CPQ: variants seen among roughly 807,000 people sequenced by gnomAD.
The protein encoded by CPQ is Ser-Met dipeptidase.
Under a neutral mutation model 45.7 loss-of-function variants are expected in CPQ, and 37 were observed. The ratio of observed to expected loss-of-function variants is 0.81; its 90% CI spans 0.62 to 1.07. The LOEUF is 1.07. CPQ is among the 50% of genes least tolerant of loss of function. The pLI, the probability that CPQ is intolerant of heterozygous loss-of-function variation, is 0.00. For missense variants in CPQ, 537 were observed against 572.9 expected, an observed-to-expected ratio of 0.94 and a Z score of 0.64; for synonymous variants, 186 against 205.8, an observed-to-expected ratio of 0.90 and a Z score of 0.82.
chr8:96,915,256 T>C (rs886372062), intron 4 of CPQ, among the ~76,000 whole-genome samples: 1 of 152,116 alleles, frequency 6.6e-6, no homozygotes, highest in East Asian at 1.9e-4. Context: ...CTCTCCTGTG[T>C]CCAAAGCTCC....
chr8:96,978,787 C>A (rs944597822), intron 5 of CPQ, among the ~76,000 whole-genome samples: 3 of 152,070 alleles, frequency 2.0e-5, no homozygotes, highest in African/African-American at 7.2e-5. Flanking sequence ...TTCCTCCCAC[C>A]CAAGAATGGA....
At position 97,038,954 on chromosome 8, in the gene CPQ, G is replaced by A. The variant is rs368856697; in HGVS notation, c.1053+9460G>A. ...AGCCTTTTCTTATATCACGGTCACA[G>A]CTTTTAGTGAAAGAGATTTGTAGCA... On this transcript the variant is annotated intron_variant, in intron 6 of 7. Coordinates refer to ENST00000220763, the MANE Select transcript of CPQ (RefSeq NM_016134.4). Among the ~76,000 whole-genome samples the A allele has an allele frequency of 9.2e-5, 14 of 152,180 alleles. No homozygotes were observed. The South Asian group carries it at 1.5e-3, about 16-fold the overall frequency.
intron 4 of CPQ, among the ~76,000 whole-genome samples, chr8:96,948,163 C>T (rs529622969): frequency 1.3e-5 from 2 of 152,020 alleles, no homozygotes; most frequent in Non-Finnish European, 2.9e-5. Flanking sequence ...TTAATAAAGT[C>T]ACTTTCTTTC....
chr8:96,899,163 G>T (rs1812482995), intron 4 of CPQ, among the ~76,000 whole-genome samples: 1 of 152,162 alleles, frequency 6.6e-6, no homozygotes, highest in Admixed American at 6.5e-5. Context: ...GCTCCTGTTG[G>T]CAGGAGGAAC....
chr8:97,099,142 T>TTTTC (rs1356649967), intron 7 of CPQ, among the ~76,000 whole-genome samples: 1 of 139,894 alleles, frequency 7.1e-6, no homozygotes. Context: ...TTTTTTTTTT[T>TTTTC]GTGATGAAGT....
rs1179218295 is a variant in CPQ, at chr8:96,715,265, G to A, written c.-34-69599G>A. Reference sequence around the variant, plus strand: ...AGTGAAACACAGTGAGTTCTCTGCAGGGGAAATTTAGGCAGCCACATTAGC... The same window carrying A: ...AGTGAAACACAGTGAGTTCTCTGCAAGGGAAATTTAGGCAGCCACATTAGC... On this transcript the variant is annotated intron_variant, in intron 1 of 7. Coordinates refer to ENST00000220763, the MANE Select transcript of CPQ (RefSeq NM_016134.4). Among the ~76,000 whole-genome samples the A allele has an allele frequency of 1.3e-5, 2 of 152,164 alleles. 1 individual carries two copies. Among genetic ancestry groups the A allele is most frequent in the South Asian group, 4.1e-4 (2 of 4,828 alleles).
intron 5 of CPQ, among the ~76,000 whole-genome samples, chr8:96,999,593 G>A (rs1361946516): frequency 1.3e-5 from 2 of 152,022 alleles, no homozygotes; most frequent in Non-Finnish European, 2.9e-5. Flanking sequence ...TGGCTGCCTA[G>A]TATTCCATGG....
chr8:96,731,322 T>C (rs1809911126), intron 1 of CPQ, among the ~76,000 whole-genome samples: 1 of 152,162 alleles, frequency 6.6e-6, no homozygotes, highest in Non-Finnish European at 1.5e-5. Context: ...GTACTGTCAG[T>C]AGAGATTAGT....
chr8:96,793,551 T>A (rs978429292), intron 2 of CPQ, among the ~76,000 whole-genome samples: 5 of 152,182 alleles, frequency 3.3e-5, no homozygotes, highest in Admixed American at 3.3e-4. Context: ...GGTTGGGACA[T>A]AGTCAAACTA....
intron 7 of CPQ, among the ~76,000 whole-genome samples, chr8:97,132,590 T>A (rs1811975467): frequency 1.3e-5 from 2 of 152,200 alleles, no homozygotes; most frequent in Non-Finnish European, 2.9e-5. Context: ...TAGCCAGCTA[T>A]CAAAAATCTG....
intron 1 of CPQ, among the ~76,000 whole-genome samples, chr8:96,762,217 TTCTTA>T (rs1382512396): frequency 5.3e-5 from 8 of 152,204 alleles, no homozygotes; most frequent in African/African-American, 1.7e-4. Context: ...AAAGTTCATG[TTCTTA>T]TCTTTTATGT....
intron 5 of CPQ, among the ~76,000 whole-genome samples, chr8:97,006,544 A>G (rs556452557): frequency 3.0e-4 from 46 of 152,342 alleles, no homozygotes; most frequent in Admixed American, 2.0e-3. Flanking sequence ...GAAAAATTCC[A>G]GCTTTGATTT....
At chr8:97,112,052 T>C (rs1202597664) in intron 7 of CPQ, among the ~76,000 whole-genome samples, 1 of 152,160 alleles carries the variant, frequency 6.6e-6, no homozygotes, top group African/African-American at 2.4e-5. Flanking sequence ...TTATTTTCCC[T>C]TTCCAGCTTT....
At chr8:97,098,820 T>C (rs991313280) in intron 7 of CPQ, among the ~76,000 whole-genome samples, 10 of 152,070 alleles carry the variant, frequency 6.6e-5, no homozygotes, top group Non-Finnish European at 2.9e-5. Context: ...AAACAGCCAT[T>C]GATATCCCAT....
At chr8:96,907,877 A>G (rs1416111153) in intron 4 of CPQ, among the ~76,000 whole-genome samples, 1 of 152,218 alleles carries the variant, frequency 6.6e-6, no homozygotes. Flanking sequence ...AAGTGCCAAT[A>G]TGAATAGTCT....
intron 7 of CPQ, among the ~76,000 whole-genome samples, chr8:97,116,178 A>C (rs993258063): frequency 7.9e-5 from 12 of 152,252 alleles, no homozygotes; most frequent in South Asian, 2.1e-4. Context: ...AGTCAAAGAC[A>C]TCCAGGTCTC....
rs112718392 is a variant in CPQ, at chr8:96,733,514, G to A, written c.-34-51350G>A. ...CAATCTATCGTTACTTAGTGAAGAC[G>A]GTTAATAGTGAATACATGGTTCAGG... On this transcript the variant is annotated intron_variant, in intron 1 of 7. Coordinates refer to ENST00000220763, the MANE Select transcript of CPQ (RefSeq NM_016134.4). 2.7e-3 allele frequency among the ~76,000 whole-genome samples: 405 copies of A among 152,158 alleles called. 1 individual carries two copies. The highest frequency in any genetic ancestry group is 9.0e-3 in the African/African-American group (373 of 41,510).
At chr8:96,662,637 G>C (rs1318354926) in intron 1 of CPQ, among the ~76,000 whole-genome samples, 1 of 152,204 alleles carries the variant, frequency 6.6e-6, no homozygotes, top group East Asian at 1.9e-4. Context: ...TTAAGACCCA[G>C]TTTTGGGGTA....
At chr8:97,095,533 G>A (rs1328928507) in intron 7 of CPQ, among the ~76,000 whole-genome samples, 2 of 152,012 alleles carry the variant, frequency 1.3e-5, no homozygotes, top group Non-Finnish European at 2.9e-5. Context: ...TTCTTTCAAG[G>A]CCAACTCTTG....
Sources: gnomAD v4.1 joint callset for allele counts (sites outside exome capture counted in the v4.1 genomes callset) on GRCh38, gnomAD v4.1.1 for gene constraint, MANE v1.5 for transcripts, NCBI Gene and HGNC (gene_info 2026-07-23, HGNC 2026-07-21) for gene names.